PCNX1: variants seen among roughly 807,000 people sequenced by gnomAD.
PCNX1 encodes the protein pecanex-like protein 1.
A neutral mutation model predicts 242.2 loss-of-function variants in PCNX1; 78 were observed. The ratio of observed to expected loss-of-function variants is 0.32; its 90% CI spans 0.27 to 0.39. The LOEUF is 0.39. Among genes scored for constraint, PCNX1 ranks in the 10% least tolerant of loss-of-function variants. The probability of loss-of-function intolerance (pLI) is 1.00; values close to 1 mark genes in which losing one functional copy is unlikely to be tolerated. For missense variants in PCNX1, 2,581 were observed against 2,856.5 expected, an observed-to-expected ratio of 0.90 and a Z score of 2.20; for synonymous variants, 1,024 against 1,032.9, an observed-to-expected ratio of 0.99 and a Z score of 0.17.
At chr14:71,082,153 T>C (rs1319679600) in intron 28 of PCNX1, among the ~76,000 whole-genome samples, 1 of 152,114 alleles carries the variant, frequency 6.6e-6, no homozygotes, top group Non-Finnish European at 1.5e-5. Flanking sequence ...TCAGTTTCCG[T>C]GTTGTTGTGC....
At chr14:70,996,004 T>C in intron 8 of PCNX1, 79 bp downstream of exon 8, 1 of 1,071,184 alleles carries the variant, frequency 9.3e-7, no homozygotes, top group Non-Finnish European at 1.4e-6. Flanking sequence ...AGTTCTTTTT[T>C]GAGATAGTTT....
chr14:71,033,880 C>T (rs1417566761), intron 17 of PCNX1, 51 bp from the exon 18 acceptor site: 1 of 952,814 alleles, frequency 1.0e-6, no homozygotes. Flanking sequence ...GTTTGAATTA[C>T]TGGTTTTCAG....
chr14:70,926,958 A>G (rs574822501), intron 1 of PCNX1, among the ~76,000 whole-genome samples: 1 of 152,316 alleles, frequency 6.6e-6, no homozygotes, highest in East Asian at 1.9e-4. Context: ...GTGCTTAAAA[A>G]TGCAGGCTGT....
chr14:70,962,832 C>G (rs908628187), intron 3 of PCNX1, among the ~76,000 whole-genome samples: 1 of 152,168 alleles, frequency 6.6e-6, no homozygotes, highest in African/African-American at 2.4e-5. Context: ...CAAAACTTGG[C>G]TGGACCTTTG....
chr14:70,979,233 T>G (rs2058767640), intron 6 of PCNX1, among the ~76,000 whole-genome samples: 6 of 152,186 alleles, frequency 3.9e-5, no homozygotes, highest in Admixed American at 3.9e-4. Context: ...CACATTATTC[T>G]TAAAGTTTAT....
chr14:71,005,047 G>A (rs1446002165), intron 8 of PCNX1, among the ~76,000 whole-genome samples: 5 of 152,118 alleles, frequency 3.3e-5, no homozygotes, highest in African/African-American at 9.7e-5. Context: ...GGAAGGTTGG[G>A]GGAGGTAGGT....
chr14:71,038,731 CAAAGGACTAT>C (rs2060619083), intron 19 of PCNX1, among the ~76,000 whole-genome samples: 1 of 151,928 alleles, frequency 6.6e-6, no homozygotes, highest in Non-Finnish European at 1.5e-5. Flanking sequence ...GGTATATACC[CAAAGGACTAT>C]AAATCATGCT....
At chr14:71,029,589 G>A (rs183289345) in intron 16 of PCNX1, among the ~76,000 whole-genome samples, 7 of 152,336 alleles carry the variant, frequency 4.6e-5, no homozygotes, top group Admixed American at 6.5e-5. Flanking sequence ...TATGAAAACA[G>A]TTCTGTGGGT....
intron 30 of PCNX1, among the ~76,000 whole-genome samples, chr14:71,097,772 C>T (rs936595844): frequency 6.6e-6 from 1 of 151,878 alleles, no homozygotes; most frequent in Non-Finnish European, 1.5e-5. Flanking sequence ...TGTGTAGAAG[C>T]TCTTCAGTTT....
intron 10 of PCNX1, 73 bp downstream of exon 10, chr14:71,011,622 C>G (rs2059823369): frequency 1.1e-6 from 1 of 883,610 alleles, no homozygotes; most frequent in Non-Finnish European, 1.8e-6. Flanking sequence ...ACATAGATAG[C>G]TATAAAAGCC....
At chr14:70,910,560 C>G (rs960876997) in intron 1 of PCNX1, among the ~76,000 whole-genome samples, 14 of 152,252 alleles carry the variant, frequency 9.2e-5, no homozygotes, top group African/African-American at 2.6e-4. Flanking sequence ...GTGGCTGCTC[C>G]ACTTTTTGCA....
intron 30 of PCNX1, among the ~76,000 whole-genome samples, chr14:71,101,160 A>T (rs12897584): frequency 0.028 from 4,311 of 152,258 alleles, 100 homozygotes; most frequent in Non-Finnish European, 0.04. Flanking sequence ...GTGCAAATGG[A>T]TTACTTTACT....
At chr14:70,924,878 C>G (rs535189340) in intron 1 of PCNX1, among the ~76,000 whole-genome samples, 3 of 152,268 alleles carry the variant, frequency 2.0e-5, no homozygotes, top group East Asian at 1.9e-4. Context: ...CAGGCATGAG[C>G]CACTGCACCT....
chr14:71,066,634 T>C (rs2061454156), intron 26 of PCNX1, among the ~76,000 whole-genome samples: 1 of 152,200 alleles, frequency 6.6e-6, no homozygotes, highest in Non-Finnish European at 1.5e-5. Flanking sequence ...GTCCAGAACG[T>C]CCAATAGTGT....
intron 12 of PCNX1, 68 bp from the exon 13 acceptor site, chr14:71,023,132 T>C (rs779086603): frequency 6.3e-6 from 7 of 1,118,038 alleles, no homozygotes; most frequent in African/African-American, 1.5e-5. Context: ...ATTTCAGGCA[T>C]TTTGAAAGTT....
At chr14:71,032,064 AAGAG>A (rs771219447) in intron 16 of PCNX1, 10 of 687,420 alleles carry the variant, frequency 1.5e-5, no homozygotes, top group African/African-American at 7.0e-5. Context: ...GACAAAGAAG[AAGAG>A]AGAGAGAGAG....
At chr14:71,020,576 T>G (rs186246043) in intron 12 of PCNX1, among the ~76,000 whole-genome samples, 42 of 152,328 alleles carry the variant, frequency 2.8e-4, no homozygotes, top group Non-Finnish European at 4.0e-4. Flanking sequence ...ATAAATGTCT[T>G]TTGAGAAGTG....
chr14:70,984,390 C>T (rs2058934930), intron 6 of PCNX1, among the ~76,000 whole-genome samples: 1 of 151,040 alleles, frequency 6.6e-6, no homozygotes, highest in Non-Finnish European at 1.5e-5. Flanking sequence ...ATATGATTGA[C>T]ATCATTTTTT....
chr14:70,982,060 A>C (rs35432764), intron 6 of PCNX1, among the ~76,000 whole-genome samples: 2 of 152,162 alleles, frequency 1.3e-5, no homozygotes, highest in African/African-American at 4.8e-5. Flanking sequence ...CAAAGAAACA[A>C]TTATTTAAAG....
Sources: gnomAD v4.1 joint callset for allele counts (sites outside exome capture counted in the v4.1 genomes callset) on GRCh38, gnomAD v4.1.1 for gene constraint, MANE v1.5 for transcripts, NCBI Gene and HGNC (gene_info 2026-07-23, HGNC 2026-07-21) for gene names.